Variants in GAP43 observed in about 807,000 individuals in gnomAD.
GAP43 encodes growth associated protein 43.
Under a neutral mutation model 18.6 loss-of-function variants are expected in GAP43, and 6 were observed. The ratio of observed to expected loss-of-function variants is 0.32; its 90% CI spans 0.18 to 0.64. The LOEUF (loss-of-function observed/expected upper bound fraction) is 0.64, where lower values mean the gene tolerates loss of function less well. GAP43 is among the 30% of genes least tolerant of loss of function. The probability of loss-of-function intolerance (pLI) is 0.78; values close to 1 mark genes in which losing one functional copy is unlikely to be tolerated. For synonymous variants in GAP43, 115 were observed against 111.4 expected (o/e 1.03, Z -0.20); for missense variants, 292 against 295.5 (o/e 0.99, Z 0.09).
chr3:115,702,533 C>A (rs1709309150), intron 2 of GAP43, among the ~76,000 whole-genome samples: 1 of 152,036 alleles, frequency 6.6e-6, no homozygotes, highest in Non-Finnish European at 1.5e-5. Context: ...GTGTCAAAGC[C>A]AAAATGCACC....
chr3:115,698,071 T>A (rs1242084488), intron 2 of GAP43, among the ~76,000 whole-genome samples: 2 of 57,154 alleles, frequency 3.5e-5, no homozygotes, highest in African/African-American at 7.8e-5. Context: ...ATATATTATA[T>A]ATAATATATA....
At chr3:115,692,528 A>G (rs1304719968) in intron 2 of GAP43, among the ~76,000 whole-genome samples, 1 of 152,184 alleles carries the variant, frequency 6.6e-6, no homozygotes, top group East Asian at 1.9e-4. Context: ...ACTGCTTGCA[A>G]ACTGCAGTCT....
At chr3:115,638,597 A>G (rs1250167718) in intron 1 of GAP43, among the ~76,000 whole-genome samples, 1 of 150,746 alleles carries the variant, frequency 6.6e-6, no homozygotes, top group Non-Finnish European at 1.5e-5. Flanking sequence ...GTCACTGCCT[A>G]TCTCTTCAAG....
intron 2 of GAP43, among the ~76,000 whole-genome samples, chr3:115,710,181 A>T (rs1400846966): frequency 2.6e-5 from 4 of 151,900 alleles, no homozygotes; most frequent in Non-Finnish European, 4.4e-5. Context: ...TTACCATAGA[A>T]ATTGAAAGTT....
At chr3:115,719,165 A>T (rs1318766874) in intron 2 of GAP43, among the ~76,000 whole-genome samples, 1 of 152,186 alleles carries the variant, frequency 6.6e-6, no homozygotes, top group East Asian at 1.9e-4. Context: ...ACTCCAGTTT[A>T]CCTTTCCAAG....
At chr3:115,698,171 T>A (rs1385836701) in intron 2 of GAP43, among the ~76,000 whole-genome samples, 1 of 18,656 alleles carries the variant, frequency 5.4e-5, no homozygotes, top group Non-Finnish European at 1.2e-4. Context: ...ATAAAATATA[T>A]TAAATAATAT....
intron 2 of GAP43, among the ~76,000 whole-genome samples, chr3:115,682,681 C>T (rs1398757446): frequency 1.3e-5 from 2 of 152,110 alleles, no homozygotes; most frequent in Non-Finnish European, 2.9e-5. Flanking sequence ...GGATTACAGG[C>T]ACCTGCCACC....
chr3:115,659,447 C>G (rs1708629394), intron 1 of GAP43, among the ~76,000 whole-genome samples: 1 of 152,030 alleles, frequency 6.6e-6, no homozygotes, highest in South Asian at 2.1e-4. Flanking sequence ...CAAATTTAGA[C>G]TTGGTGTGAG....
intron 1 of GAP43, among the ~76,000 whole-genome samples, chr3:115,625,206 C>CATAAATAAATAAATAA (rs112440898): frequency 0.011 from 1,552 of 143,428 alleles, 12 homozygotes; most frequent in Non-Finnish European, 0.013. Flanking sequence ...AGAGATTTGG[C>CATAAATAAATAAATAA]ATAAATAAAT....
intron 1 of GAP43, among the ~76,000 whole-genome samples, chr3:115,648,561 AT>A (rs1470584999): frequency 6.6e-6 from 1 of 152,170 alleles, no homozygotes; most frequent in Admixed American, 6.5e-5. Flanking sequence ...GAAGACAATG[AT>A]TTTTATTTCC....
intron 1 of GAP43, among the ~76,000 whole-genome samples, chr3:115,652,389 A>ATTTTTTTTTTTTTT (rs1708531283): frequency 1.2e-4 from 3 of 25,588 alleles, no homozygotes; most frequent in African/African-American, 3.5e-4. Flanking sequence ...TTTTTTTGTG[A>ATTTTTTTTTTTTTT]TAGAGTCTTG....
At chr3:115,684,208 C>T (rs1370809) in intron 2 of GAP43, among the ~76,000 whole-genome samples, 98,383 of 151,678 alleles carry the variant, frequency 0.65, 33,555 homozygotes, top group Admixed American at 0.76. Flanking sequence ...CTTTTGAAGG[C>T]TTTTTTTTCC....
At chr3:115,720,213 T>C (rs1164498582) in intron 2 of GAP43, among the ~76,000 whole-genome samples, 2 of 152,170 alleles carry the variant, frequency 1.3e-5, no homozygotes, top group East Asian at 3.8e-4. Context: ...TACAGTGCCA[T>C]GTATTGTTTG....
At chr3:115,686,654 A>G (rs776991421) in intron 2 of GAP43, among the ~76,000 whole-genome samples, 1 of 152,226 alleles carries the variant, frequency 6.6e-6, no homozygotes, top group Non-Finnish European at 1.5e-5. Context: ...AAAATACTAA[A>G]TTTTAGAATT....
intron 2 of GAP43, among the ~76,000 whole-genome samples, chr3:115,704,442 T>A (rs564636921): frequency 3.3e-5 from 5 of 152,142 alleles, no homozygotes; most frequent in African/African-American, 1.2e-4. Context: ...ATTTTAGAGG[T>A]CTCCACTTAT....
intron 2 of GAP43, among the ~76,000 whole-genome samples, chr3:115,717,706 C>T (rs1709528466): frequency 6.6e-6 from 1 of 150,958 alleles, no homozygotes; most frequent in Non-Finnish European, 1.5e-5. Context: ...AGAAGAATGC[C>T]TGGCACAGTG....
chr3:115,652,413 T>C (rs35019222), intron 1 of GAP43, among the ~76,000 whole-genome samples: 34,718 of 139,660 alleles, frequency 0.25, 4,833 homozygotes, highest in East Asian at 0.41. Context: ...TGTTGAGTCT[T>C]GCTCTGTTGT....
intron 1 of GAP43, among the ~76,000 whole-genome samples, chr3:115,637,887 A>G (rs1393024071): frequency 6.6e-6 from 1 of 152,050 alleles, no homozygotes; most frequent in Non-Finnish European, 1.5e-5. Context: ...ATTGGATGCT[A>G]CTGTTCTTTC....
intron 1 of GAP43, among the ~76,000 whole-genome samples, 200 bp from the exon 2 acceptor site, chr3:115,675,813 A>G (rs1308048067): frequency 6.6e-6 from 1 of 151,548 alleles, no homozygotes; most frequent in Non-Finnish European, 1.5e-5. Flanking sequence ...GGAAGGTCCG[A>G]AAGACATTAC....
Sources: gnomAD v4.1 joint callset for allele counts (sites outside exome capture counted in the v4.1 genomes callset) on GRCh38, gnomAD v4.1.1 for gene constraint, MANE v1.5 for transcripts, NCBI Gene and HGNC (gene_info 2026-07-23, HGNC 2026-07-21) for gene names.